Variants in ASTN2 observed in about 807,000 individuals in gnomAD.
ASTN2 encodes astrotactin 2.
ASTN2 carries 54 observed loss-of-function variants against 139.8 expected under a neutral mutation model. The ratio of observed to expected loss-of-function variants is 0.39; its 90% CI spans 0.31 to 0.48. ASTN2 has a LOEUF of 0.48. Ranked by LOEUF, ASTN2 falls within the 20% of genes least tolerant of loss-of-function variation. The pLI is 0.95. For synonymous variants in ASTN2, 756 were observed against 719.5 expected (o/e 1.05, Z -0.81); for missense variants, 1,565 against 1,725.1 (o/e 0.91, Z 1.64).
chr9:117,056,204 C>G (rs148449960), intron 5 of ASTN2, among the ~76,000 whole-genome samples: 148 of 152,346 alleles, frequency 9.7e-4, no homozygotes, highest in African/African-American at 3.4e-3. Context: ...ATCCCTGCCC[C>G]ACAGAAACTG....
At chr9:117,207,094 C>T (rs1416404178) in intron 3 of ASTN2, among the ~76,000 whole-genome samples, 1 of 152,196 alleles carries the variant, frequency 6.6e-6, no homozygotes, top group Admixed American at 6.5e-5. Context: ...GGCAGCTGCG[C>T]ACCTACATAC....
chr9:117,091,272 C>T (rs1230475534), intron 5 of ASTN2, among the ~76,000 whole-genome samples: 1 of 152,184 alleles, frequency 6.6e-6, no homozygotes, highest in Non-Finnish European at 1.5e-5. Flanking sequence ...ATTCACTCAT[C>T]ATTCATTCAT....
At chr9:116,856,455 T>A (rs932865247) in intron 11 of ASTN2, among the ~76,000 whole-genome samples, 3 of 152,182 alleles carry the variant, frequency 2.0e-5, no homozygotes, top group Non-Finnish European at 4.4e-5. Flanking sequence ...CTGACTCTTC[T>A]TGCTAGTCTT....
chr9:117,309,349 G>A (rs1051785406), intron 1 of ASTN2, among the ~76,000 whole-genome samples: 1 of 152,190 alleles, frequency 6.6e-6, no homozygotes, highest in Non-Finnish European at 1.5e-5. Context: ...CCTTAAGAGA[G>A]AATCTAGACT....
rs144956334 is a variant in ASTN2 at position 116,975,269 on chromosome 9, T to G, written c.1828A>C (p.Ile610Leu). 2.5e-6 allele frequency: 4 copies of G among 1,613,406 alleles called. No homozygotes were observed. Among genetic ancestry groups the G allele is most frequent in the Non-Finnish European group, 3.4e-6 (4 of 1,179,730 alleles). The stretch of plus-strand genomic sequence containing the variant: ...GTCTTGCAGCTGGCCAGGGGGTTGA[T>G]GGACAGCTCCACAGGCGGAACCACA... The part of the protein sequence containing the change: ...SFVVPPVELS[I>L]NPLASCKTDV... The change falls in exon 10 of 23, where the codon ATC becomes CTC. Residue 610 changes from isoleucine to leucine, a missense_variant. By Grantham distance (5) the Ile-to-Leu change is conservative. Transcript: ENST00000313400.
At chr9:117,409,015 C>T (rs1831086946) in intron 1 of ASTN2, among the ~76,000 whole-genome samples, 2 of 152,242 alleles carry the variant, frequency 1.3e-5, no homozygotes, top group South Asian at 2.1e-4. Context: ...TCCCAGAAAC[C>T]TAGACCATCA....
intron 12 of ASTN2, 55 bp from the exon 13 acceptor site, chr9:116,805,875 G>C: frequency 6.4e-7 from 1 of 1,567,930 alleles, no homozygotes; most frequent in Non-Finnish European, 8.7e-7. Context: ...GCCCCCATTG[G>C]GGGTGACCTA....
intron 19 of ASTN2, among the ~76,000 whole-genome samples, chr9:116,525,156 G>A (rs769947469): frequency 3.9e-5 from 6 of 152,208 alleles, no homozygotes; most frequent in Non-Finnish European, 8.8e-5. Flanking sequence ...CTGGAGCAAA[G>A]GTCACTCTTG....
intron 3 of ASTN2, chr9:117,181,290 C>T: frequency 2.3e-6 from 1 of 437,008 alleles, no homozygotes; most frequent in African/African-American, 2.0e-5. Context: ...AACTGAAGCC[C>T]AGAGATGTCA....
intron 1 of ASTN2, among the ~76,000 whole-genome samples, chr9:117,361,612 G>A (rs1469197630): frequency 1.3e-5 from 2 of 152,184 alleles, no homozygotes; most frequent in East Asian, 3.9e-4. Context: ...GGCAGGAAAT[G>A]TCAATGGCGC....
intron 17 of ASTN2, among the ~76,000 whole-genome samples, chr9:116,631,144 T>A (rs55974177): frequency 6.6e-6 from 1 of 152,070 alleles, no homozygotes; most frequent in Admixed American, 6.6e-5. Flanking sequence ...GAAAACAGTA[T>A]GAGAATTCCT....
intron 1 of ASTN2, among the ~76,000 whole-genome samples, chr9:117,324,036 A>G (rs1828428686): frequency 1.3e-5 from 2 of 152,174 alleles, no homozygotes; most frequent in South Asian, 4.1e-4. Flanking sequence ...AAGAAGTGCC[A>G]ATCAGCCCAT....
At chr9:117,345,961 T>A (rs990989474) in intron 1 of ASTN2, among the ~76,000 whole-genome samples, 1 of 150,242 alleles carries the variant, frequency 6.7e-6, no homozygotes, top group Non-Finnish European at 1.5e-5. Context: ...ATTCTGCCCA[T>A]TCTGGCCTAT....
At chr9:117,145,035 T>C (rs1201504816) in intron 3 of ASTN2, among the ~76,000 whole-genome samples, 1 of 152,014 alleles carries the variant, frequency 6.6e-6, no homozygotes, top group Non-Finnish European at 1.5e-5. Flanking sequence ...TACAGGTTTG[T>C]TACGTAGGTA....
intron 3 of ASTN2, among the ~76,000 whole-genome samples, chr9:117,201,776 G>A (rs866887250): frequency 1.8e-4 from 27 of 152,236 alleles, no homozygotes; most frequent in African/African-American, 6.3e-4. Flanking sequence ...GTTGATTTTA[G>A]AATAAGTGTC....
At chr9:117,310,380 C>T (rs1827936329) in intron 1 of ASTN2, among the ~76,000 whole-genome samples, 1 of 152,116 alleles carries the variant, frequency 6.6e-6, no homozygotes, top group Non-Finnish European at 1.5e-5. Context: ...ATTTGTCATT[C>T]TTGAGGTCTT....
chr9:116,465,442 G>A (rs957144030), intron 20 of ASTN2, among the ~76,000 whole-genome samples: 2 of 152,156 alleles, frequency 1.3e-5, no homozygotes, highest in African/African-American at 4.8e-5. Flanking sequence ...GAGACGTAAG[G>A]CTTTGCGTAA....
intron 3 of ASTN2, among the ~76,000 whole-genome samples, chr9:117,177,312 T>C (rs946694649): frequency 2.0e-5 from 3 of 152,186 alleles, no homozygotes; most frequent in Non-Finnish European, 4.4e-5. Context: ...ATTTTATGCA[T>C]AAGGAAGCTG....
intron 10 of ASTN2, among the ~76,000 whole-genome samples, chr9:116,871,329 G>A (rs1001481540): frequency 6.6e-6 from 1 of 152,212 alleles, no homozygotes; most frequent in Non-Finnish European, 1.5e-5. Flanking sequence ...AGAACGCTTT[G>A]TTGAGATATA....
Sources: allele counts gnomAD v4.1 joint callset (sites outside exome capture counted in the v4.1 genomes callset), GRCh38; gene constraint gnomAD v4.1.1; transcripts MANE v1.5; gene names NCBI Gene and HGNC (gene_info 2026-07-23, HGNC 2026-07-21).